LPCAT3: variants seen among roughly 807,000 people sequenced by gnomAD.
LPCAT3 encodes lysophospholipid acyltransferase 5.
Under a neutral mutation model 63.4 loss-of-function variants are expected in LPCAT3, and 21 were observed. The ratio of observed to expected loss-of-function variants is 0.33; its 90% confidence interval spans 0.23 to 0.48. The LOEUF (loss-of-function observed/expected upper bound fraction) is 0.48. Among genes scored for constraint, LPCAT3 ranks in the 20% least tolerant of loss-of-function variants. The probability of loss-of-function intolerance (pLI) is 0.99; values close to 1 mark genes in which losing one functional copy is unlikely to be tolerated. For missense variants in LPCAT3, 451 were observed against 590.6 expected (o/e 0.76, Z 2.45); for synonymous variants, 242 against 227.5 (o/e 1.06, Z -0.58).
At chr12:6,979,734 G>T in intron 6 of LPCAT3, 155 bp from the exon 7 acceptor site, 1 of 620,488 alleles carries the variant, frequency 1.6e-6, no homozygotes, top group Admixed American at 2.8e-5. Flanking sequence ...CCTGTTTCAG[G>T]GAAAGATTTC....
intron 1 of LPCAT3, among the ~76,000 whole-genome samples, chr12:7,001,835 C>G (rs1555156530): frequency 6.6e-6 from 1 of 151,994 alleles, no homozygotes; most frequent in East Asian, 1.9e-4. Flanking sequence ...TGTTAAGAGA[C>G]TGCATGACAT....
chr12:6,978,461 T>C lies in LPCAT3; in HGVS notation c.920A>G (p.Glu307Gly), dbSNP rs1555153611. 1 of 1,614,120 alleles carries C rather than the reference T, an allele frequency of 6.2e-7. No homozygotes were observed. Among genetic ancestry groups the C allele is most frequent in the Admixed American group, 1.7e-5 (1 of 60,010 alleles). ...GGCATCCCACTTTGCCTTGCCCTTTTCTTCAAAGCCATTGAAGCCCAGGCC... is the reference window on the plus strand; with the variant it reads ...GGCATCCCACTTTGCCTTGCCCTTTCCTTCAAAGCCATTGAAGCCCAGGCC... ...LTGLGFNGFE[E>G]KGKAKWDACA... Residue 307 changes from glutamate (E) to glycine (G), a missense_variant, in exon 9 of 13, where the codon GAA becomes GGA. Around this residue, in one of 3 missense-constraint regions of LPCAT3, gnomAD observed 304 missense variants for 390.8 expected, o/e 0.78. Coordinates refer to ENST00000261407, the MANE Select transcript of LPCAT3 (RefSeq NM_005768.6).
chr12:6,995,023 T>C lies in LPCAT3; in HGVS notation c.152-11484A>G, dbSNP rs118159162. On this transcript the variant is annotated intron_variant, in intron 1 of 12. Transcript: ENST00000261407. ...ACTTCTTTTTCAGTTCCACATTTCC[T>C]ACTTCCTTGCTGGACAGTTTTAATT... 5.9e-5 allele frequency among the ~76,000 whole-genome samples: 9 copies of C among 152,332 alleles called. No individual in the cohort carries two copies. In the East Asian group the frequency reaches 1.7e-3, roughly 29 times the overall value.
At chr12:7,013,346 G>A (rs1555157361) in intron 1 of LPCAT3, among the ~76,000 whole-genome samples, 1 of 152,222 alleles carries the variant, frequency 6.6e-6, no homozygotes, top group Non-Finnish European at 1.5e-5. Flanking sequence ...AGCCAGGTAT[G>A]GAAGCCCCTG....
rs1329241070 is a variant in LPCAT3, at chr12:6,977,942, G to A, written c.1041-197C>T. On this transcript the variant is annotated intron_variant, in intron 9 of 12. Transcript: ENST00000261407. The surrounding 1 kb of genome is among the most constrained non-coding windows in gnomAD (Gnocchi z 4.5). The stretch of plus-strand genomic sequence containing the variant: ...CAGACCCAAGGCGGAGCTGGAGACC[G>A]TGTGCGCACGAGCCACTTGGTTCAG... 6 of 619,910 alleles carry A rather than the reference G, an allele frequency of 9.7e-6. No homozygotes were observed. The highest frequency in any genetic ancestry group is 1.8e-5 in the African/African-American group (1 of 54,138). 38.4% of individuals were successfully genotyped at this position (619,910 alleles called of 1,614,324 possible). A position where few individuals can be genotyped will look rare whatever the true frequency, so the allele number is the denominator to read the frequency against.
chr12:6,997,030 T>G (rs1205910502), intron 1 of LPCAT3, among the ~76,000 whole-genome samples: 2 of 152,166 alleles, frequency 1.3e-5, no homozygotes, highest in African/African-American at 4.8e-5. Context: ...ATCAATTGAC[T>G]AGGTGTAGGA....
intron 1 of LPCAT3, among the ~76,000 whole-genome samples, chr12:6,995,428 C>T (rs1162329196): frequency 1.3e-5 from 2 of 151,248 alleles, no homozygotes; most frequent in Admixed American, 6.6e-5. Flanking sequence ...GAGCTGAGAT[C>T]GTCTCACTGT....
rs1555157726 is a variant in LPCAT3 at position 7,017,838 on chromosome 12, A to G, written c.151+436T>C. Among the ~76,000 whole-genome samples, 1 of 152,240 alleles carries G rather than the reference A, an allele frequency of 6.6e-6. No homozygotes were observed. Among genetic ancestry groups the G allele is most frequent in the Non-Finnish European group, 1.5e-5 (1 of 68,040 alleles). Reference sequence around the variant, plus strand: ...GCGCTCAGAATATGAAATATGGAATATGGGGCTGAAAAGGCCGAAAGGGCT... The same window carrying G: ...GCGCTCAGAATATGAAATATGGAATGTGGGGCTGAAAAGGCCGAAAGGGCT... On this transcript the variant is annotated intron_variant, in intron 1 of 12. Coordinates refer to ENST00000261407, the MANE Select transcript of LPCAT3 (RefSeq NM_005768.6). The surrounding 1 kb of genome is among the most constrained non-coding windows in gnomAD (Gnocchi z 4.1).
chr12:7,009,964 A>G (rs929441708), intron 1 of LPCAT3, among the ~76,000 whole-genome samples: 5 of 152,224 alleles, frequency 3.3e-5, no homozygotes, highest in African/African-American at 1.2e-4. Flanking sequence ...GCAATTCTTT[A>G]GTAAAATTGG....
intron 1 of LPCAT3, among the ~76,000 whole-genome samples, chr12:7,011,647 C>CAAAAAA (rs1177972639): frequency 6.6e-5 from 5 of 75,712 alleles, no homozygotes; most frequent in Non-Finnish European, 1.1e-4. Flanking sequence ...CACCATGTCT[C>CAAAAAA]AAAAAAAAAA....
At chr12:6,990,526 A>AAAATAAATAAAT (rs59048377) in intron 1 of LPCAT3, among the ~76,000 whole-genome samples, 13 of 144,504 alleles carry the variant, frequency 9.0e-5, no homozygotes, top group East Asian at 6.1e-4. Flanking sequence ...AAATTAAAAT[A>AAAATAAATAAAT]AAATAAATAA....
chr12:6,981,920 GTATT>G lies in LPCAT3; in HGVS notation c.367-20_367-17del, dbSNP rs782421956. ...GAAGGTAGGCCTAGGAGAGGCAGAA[GTATT>G]TATTCTAGCATCACTACTATTTCTT... On this transcript the variant is annotated splice_polypyrimidine_tract_variant and intron_variant, in intron 3 of 12. Coordinates refer to ENST00000261407, the MANE Select transcript of LPCAT3 (RefSeq NM_005768.6). 2.1e-5 allele frequency: 28 copies of G among 1,345,158 alleles called. 1 individual carries two copies. The Admixed American group carries it at 4.7e-4, about 23-fold the overall frequency. 83.3% of individuals were successfully genotyped at this position (1,345,158 alleles called of 1,614,324 possible).
chr12:6,989,545 G>A (rs1946567969), intron 1 of LPCAT3, among the ~76,000 whole-genome samples: 1 of 151,954 alleles, frequency 6.6e-6, no homozygotes, highest in Non-Finnish European at 1.5e-5. Context: ...TGATCCGCCC[G>A]CCTCGGCCTC....
chr12:6,989,110 G>T (rs1406109049), intron 1 of LPCAT3, among the ~76,000 whole-genome samples: 6 of 149,374 alleles, frequency 4.0e-5, no homozygotes, highest in Non-Finnish European at 8.9e-5. Context: ...CAACAAGAGC[G>T]AAACTCCATC....
chr12:6,988,848 C>T (rs111969048), intron 1 of LPCAT3, among the ~76,000 whole-genome samples: 1,814 of 152,180 alleles, frequency 0.012, 35 homozygotes, highest in African/African-American at 0.04. Context: ...ACTTGTTGGC[C>T]GGGCGCCGTG....
chr12:6,997,419 G>GTGTGTA (rs1946646954), intron 1 of LPCAT3: 3 of 147,866 alleles, frequency 2.0e-5, no homozygotes, highest in Middle Eastern at 3.6e-3. Context: ...GTGTGTGTGT[G>GTGTGTA]TGTGTGTGTT....
At position 7,007,163 on chromosome 12, in the gene LPCAT3, C is replaced by G. The variant is rs56763321; in HGVS notation, c.151+11111G>C. On this transcript the variant is annotated intron_variant, in intron 1 of 12. Coordinates refer to ENST00000261407, the MANE Select transcript of LPCAT3 (RefSeq NM_005768.6). ...GGTTCAAGTGATTCTCCTGCCTCAG[C>G]CTCCCAAGTTGCTGGGATTACAAGC... Among the ~76,000 whole-genome samples, 8 of 152,060 alleles carry G rather than the reference C, an allele frequency of 5.3e-5. No homozygotes were observed. In the East Asian group the frequency reaches 1.6e-3, roughly 29 times the overall value.
At chr12:6,988,592 C>A (rs1946552480) in intron 1 of LPCAT3, among the ~76,000 whole-genome samples, 2 of 152,112 alleles carry the variant, frequency 1.3e-5, no homozygotes, top group African/African-American at 4.8e-5. Context: ...CCTGAAGAAT[C>A]TATAAAAAAT....
At chr12:7,001,311 TA>T in intron 1 of LPCAT3, 3 of 401,462 alleles carry the variant, frequency 7.5e-6, no homozygotes, top group Non-Finnish European at 1.5e-5. Context: ...TTATAGAAGA[TA>T]TTTTTGTATT....
Sources: allele counts gnomAD v4.1 joint callset (sites outside exome capture counted in the v4.1 genomes callset), GRCh38; gene constraint gnomAD v4.1.1; regional missense constraint gnomAD v4.1.1; non-coding constraint Gnocchi (gnomAD v3.1); transcripts MANE v1.5; gene names NCBI Gene and HGNC (gene_info 2026-07-23, HGNC 2026-07-21).